Variants in DCAF10 observed in about 807,000 individuals in gnomAD.
The protein encoded by DCAF10 is DDB1 and CUL4 associated factor 10.
Under a neutral mutation model 51.9 loss-of-function variants are expected in DCAF10, and 19 were observed. The ratio of observed to expected loss-of-function variants is 0.37; its 90% CI spans 0.26 to 0.54. The LOEUF is 0.54. Ranked by LOEUF, DCAF10 falls within the 20% of genes least tolerant of loss-of-function variation. DCAF10 has a pLI of 0.87. For missense variants in DCAF10, 510 were observed against 730.6 expected (o/e 0.70, Z 3.48); for synonymous variants, 291 against 297.1 (o/e 0.98, Z 0.21).
chr9:37,839,659 A>G (rs1343820592), intron 2 of DCAF10, among the ~76,000 whole-genome samples: 1 of 152,218 alleles, frequency 6.6e-6, no homozygotes, highest in Non-Finnish European at 1.5e-5. Context: ...GCTGCTTCTC[A>G]GAGGGCACCA....
At chr9:37,853,848 T>A (rs767587868) in intron 3 of DCAF10, among the ~76,000 whole-genome samples, 1 of 152,040 alleles carries the variant, frequency 6.6e-6, no homozygotes, top group Non-Finnish European at 1.5e-5. Flanking sequence ...GGATTACAGG[T>A]GTGAGCCACC....
chr9:37,817,416 G>A (rs991225081), intron 1 of DCAF10, among the ~76,000 whole-genome samples: 2 of 151,994 alleles, frequency 1.3e-5, no homozygotes, highest in African/African-American at 2.4e-5. Flanking sequence ...AGGGCAACAC[G>A]GTGAAACCCT....
intron 1 of DCAF10, among the ~76,000 whole-genome samples, chr9:37,815,410 C>T (rs986358670): frequency 5.3e-5 from 8 of 152,016 alleles, no homozygotes; most frequent in South Asian, 2.1e-4. Flanking sequence ...TTTGGGAGGC[C>T]GAGGCAGGTG....
At chr9:37,821,919 A>C (rs1252795910) in intron 2 of DCAF10, among the ~76,000 whole-genome samples, 4 of 152,328 alleles carry the variant, frequency 2.6e-5, no homozygotes, top group Admixed American at 6.5e-5. Context: ...AGTAAAAAAA[A>C]AACAACAATC....
chr9:37,801,123 G>A lies in DCAF10; in HGVS notation c.257G>A (p.Gly86Glu), dbSNP rs751998238. 7 of 1,536,794 alleles carry A rather than the reference G, an allele frequency of 4.6e-6. No individual in the cohort carries two copies. The Admixed American group carries it at 1.2e-4, about 26-fold the overall frequency. Reference sequence around the variant, plus strand: ...GAGTCCTCAACTGCCTCCGCCCCGGGAGAGCCGTCACCTCCCTCCCCTCCG... The same window carrying A: ...GAGTCCTCAACTGCCTCCGCCCCGGAAGAGCCGTCACCTCCCTCCCCTCCG... The part of the protein sequence containing the change: ...APESSTASAP[G>E]EPSPPSPPCR... The change falls in exon 1 of 7, where the codon GGA becomes GAA. Residue 86 changes from glycine to glutamate, a missense_variant. Coordinates refer to ENST00000377724, the MANE Select transcript of DCAF10 (RefSeq NM_024345.5). This position sits in a 1 kb window ranked among gnomAD's most constrained non-coding sequence, Gnocchi z 5.5.
intron 2 of DCAF10, among the ~76,000 whole-genome samples, chr9:37,841,548 G>T (rs775502704): frequency 3.9e-5 from 6 of 152,104 alleles, no homozygotes; most frequent in Non-Finnish European, 5.9e-5. Context: ...GTTGCTAAGA[G>T]ATTATTTGGG....
At position 37,860,377 on chromosome 9, in the gene DCAF10, C is replaced by T. The variant is rs140719450; in HGVS notation, c.1311+184C>T. On this transcript the variant is annotated intron_variant, in intron 6 of 6. Transcript: ENST00000377724. ...CTTCATATGGTATCATTATCCCTTCCAAACTCTTCTTATTCCTCTCCTGCT... is the reference window on the plus strand; with the variant it reads ...CTTCATATGGTATCATTATCCCTTCTAAACTCTTCTTATTCCTCTCCTGCT... The T allele has an allele frequency of 3.7e-5, 26 of 708,488 alleles. No individual in the cohort carries two copies. In the African/African-American group the frequency reaches 3.9e-4, roughly 11 times the overall value. The allele number at this position is 708,488 out of a possible 1,614,324, so 43.9% of individuals were successfully genotyped here.
intron 3 of DCAF10, among the ~76,000 whole-genome samples, chr9:37,844,146 GA>G (rs1830410641): frequency 6.6e-6 from 1 of 152,168 alleles, no homozygotes; most frequent in South Asian, 2.1e-4. Flanking sequence ...AAAGTGGACA[GA>G]ATTACAAGAA....
intron 3 of DCAF10, among the ~76,000 whole-genome samples, chr9:37,847,253 CAAAAAAAAAAAAA>C (rs78089886): frequency 3.0e-5 from 1 of 32,952 alleles, no homozygotes; most frequent in African/African-American, 9.8e-5. Flanking sequence ...AACTCCATCT[CAAAAAAAAAAAAA>C]AAAAAAAAAA....
intron 1 of DCAF10, among the ~76,000 whole-genome samples, chr9:37,809,134 T>C (rs1452147090): frequency 1.3e-5 from 2 of 151,748 alleles, no homozygotes; most frequent in Non-Finnish European, 2.9e-5. Context: ...CTCATTCATT[T>C]TCAAAAAGAA....
At chr9:37,842,447 A>G (rs537789156) in intron 3 of DCAF10, among the ~76,000 whole-genome samples, 161 bp downstream of exon 3, 2 of 152,320 alleles carry the variant, frequency 1.3e-5, no homozygotes, top group Non-Finnish European at 2.9e-5. Flanking sequence ...CTAGTCATAT[A>G]TTGCAACTAA....
At chr9:37,830,976 A>C (rs1829989223) in intron 2 of DCAF10, among the ~76,000 whole-genome samples, 1 of 152,192 alleles carries the variant, frequency 6.6e-6, no homozygotes, top group African/African-American at 2.4e-5. Context: ...TAATCCCAGC[A>C]CTTTGGGAGG....
intron 1 of DCAF10, among the ~76,000 whole-genome samples, chr9:37,814,693 C>T (rs967754922): frequency 1.3e-5 from 2 of 152,126 alleles, no homozygotes; most frequent in African/African-American, 4.8e-5. Flanking sequence ...CCAAAACTGA[C>T]ATTAGTAAAA....
chr9:37,808,464 A>T lies in DCAF10; in HGVS notation c.539+7059A>T, dbSNP rs796567574. ...TATTATGTAAAAGTATATTATATAT[A>T]ATATAAAATATATATTTATATAATA... On this transcript the variant is annotated intron_variant, in intron 1 of 6. Coordinates refer to ENST00000377724, the MANE Select transcript of DCAF10 (RefSeq NM_024345.5). Among the ~76,000 whole-genome samples the T allele has an allele frequency of 6.1e-4, 73 of 119,652 alleles. No homozygotes were observed. The East Asian group carries it at 0.014, about 23-fold the overall frequency. The allele number at this position is 119,652 out of a possible 152,430, so 78.5% of individuals were successfully genotyped here. A position where few individuals can be genotyped will look rare whatever the true frequency, so the allele number is the denominator to read the frequency against.
At chr9:37,811,647 GA>G (rs1829350871) in intron 1 of DCAF10, among the ~76,000 whole-genome samples, 1 of 152,102 alleles carries the variant, frequency 6.6e-6, no homozygotes, top group African/African-American at 2.4e-5. Context: ...AAGGATTTGT[GA>G]GCTTGAGAAT....
At position 37,819,337 on chromosome 9, in the gene DCAF10, C is replaced by T; in HGVS notation, c.589C>T (p.Pro197Ser). ...CEQTEVLLFD[P>S]ISSKHIKTLS... ...ACAAACTGAAGTTCTGCTTTTTGACCCTATATCTTCAAAGCACATAAAAAC... is the reference window on the plus strand; with the variant it reads ...ACAAACTGAAGTTCTGCTTTTTGACTCTATATCTTCAAAGCACATAAAAAC... Residue 197 changes from proline (P) to serine (S), a missense_variant, in exon 2 of 7, where the codon CCT (proline) becomes TCT (serine). Pro to Ser is a moderately conservative substitution (Grantham distance 74). This residue lies in a region of DCAF10 where 126 missense variants were observed against 271.5 expected (regional missense o/e 0.46). Transcript: ENST00000377724. 2 of 1,613,744 alleles carry T rather than the reference C, an allele frequency of 1.2e-6. No homozygotes were observed. Among genetic ancestry groups the T allele is most frequent in the South Asian group, 1.1e-5 (1 of 91,054 alleles).
chr9:37,858,856 C>T (rs1418541754), intron 5 of DCAF10, among the ~76,000 whole-genome samples: 1 of 152,168 alleles, frequency 6.6e-6, no homozygotes, highest in African/African-American at 2.4e-5. Context: ...ATCAAAGTAG[C>T]TCTGGTTCAA....
intron 3 of DCAF10, among the ~76,000 whole-genome samples, chr9:37,848,300 A>G (rs1339180227): frequency 6.6e-6 from 1 of 152,256 alleles, no homozygotes; most frequent in Non-Finnish European, 1.5e-5. Context: ...CATAATAAGC[A>G]AAAATGGAAC....
chr9:37,851,532 C>G (rs904091025), intron 3 of DCAF10, among the ~76,000 whole-genome samples: 2 of 150,560 alleles, frequency 1.3e-5, no homozygotes, highest in African/African-American at 2.4e-5. Context: ...CAGTGGCTCA[C>G]ACCTGTAATC....
Sources: gnomAD v4.1 joint callset for allele counts (sites outside exome capture counted in the v4.1 genomes callset) on GRCh38, gnomAD v4.1.1 for gene constraint, gnomAD v4.1.1 regional missense constraint, Gnocchi (gnomAD v3.1) non-coding constraint, MANE v1.5 for transcripts, NCBI Gene and HGNC (gene_info 2026-07-23, HGNC 2026-07-21) for gene names.